The following YPEL1 variants were observed in gnomAD, a reference collection of about 807,000 sequenced individuals.
YPEL1 encodes the protein protein yippee-like 1.
A neutral mutation model predicts 17.3 loss-of-function variants in YPEL1; 7 were observed. The ratio of observed to expected loss-of-function variants is 0.40; its 90% CI spans 0.23 to 0.76. The LOEUF (loss-of-function observed/expected upper bound fraction) is 0.76. Ranked by LOEUF, YPEL1 falls within the 30% of genes least tolerant of loss-of-function variation. YPEL1 has a pLI of 0.35. For synonymous variants in YPEL1, 59 were observed against 59.6 expected, an observed-to-expected ratio of 0.99 and a Z score of 0.05; for missense variants, 91 against 155.5, an observed-to-expected ratio of 0.59 and a Z score of 2.21.
intron 1 of YPEL1, among the ~76,000 whole-genome samples, chr22:21,732,160 G>A (rs909857678): frequency 1.3e-5 from 2 of 152,168 alleles, no homozygotes; most frequent in African/African-American, 2.4e-5. Context: ...CAGGTGTAAC[G>A]TCCTGGCATT....
chr22:21,726,732 T>C (rs2068339403), intron 1 of YPEL1, among the ~76,000 whole-genome samples: 1 of 151,918 alleles, frequency 6.6e-6, no homozygotes, highest in African/African-American at 2.4e-5. Context: ...CCTCCCTTGC[T>C]GGCCCCTTCC....
chr22:21,735,231 T>A (rs1045412696), intron 1 of YPEL1, among the ~76,000 whole-genome samples: 20 of 152,180 alleles, frequency 1.3e-4, no homozygotes, highest in Admixed American at 1.3e-3. Context: ...TAAACATTCC[T>A]AGGAGACCTC....
chr22:21,704,502 CAA>C (rs2068097820), intron 2 of YPEL1, among the ~76,000 whole-genome samples: 1 of 152,030 alleles, frequency 6.6e-6, no homozygotes, highest in African/African-American at 2.4e-5. Context: ...ACTAAAAATA[CAA>C]AAGTTAGCTG....
intron 2 of YPEL1, among the ~76,000 whole-genome samples, chr22:21,705,149 G>A (rs955438770): frequency 1.1e-4 from 17 of 152,204 alleles, no homozygotes; most frequent in African/African-American, 4.1e-4. Context: ...TATTTTTAGA[G>A]ATAGGATATT....
chr22:21,720,805 C>A (rs2068273780), intron 1 of YPEL1, among the ~76,000 whole-genome samples: 1 of 146,148 alleles, frequency 6.8e-6, no homozygotes. Context: ...CCATGCCTGG[C>A]CGATTTTGTT....
intron 1 of YPEL1, among the ~76,000 whole-genome samples, chr22:21,711,721 C>G (rs904133646): frequency 1.3e-5 from 2 of 152,112 alleles, no homozygotes; most frequent in Admixed American, 1.3e-4. Context: ...CAAATTAACT[C>G]AAAATAAAAG....
chr22:21,714,551 G>A (rs1280788883), intron 1 of YPEL1, among the ~76,000 whole-genome samples: 1 of 152,180 alleles, frequency 6.6e-6, no homozygotes, highest in Non-Finnish European at 1.5e-5. Context: ...AGCCACTGAC[G>A]GGGTGTGGAT....
intron 1 of YPEL1, among the ~76,000 whole-genome samples, chr22:21,717,950 C>A (rs559036801): frequency 2.3e-4 from 34 of 147,472 alleles, no homozygotes; most frequent in African/African-American, 7.8e-4. Context: ...AACAGTGAGA[C>A]CCTGTCTCTA....
rs1312607033 is a variant in YPEL1, at chr22:21,699,483, G to A, written c.*1646C>T. 6.6e-6 allele frequency: 1 copy of A among 152,340 alleles called. No individual in the cohort carries two copies. Among genetic ancestry groups the A allele is most frequent in the African/African-American group, 2.4e-5 (1 of 41,450 alleles). 9.4% of individuals were successfully genotyped at this position (152,340 alleles called of 1,614,324 possible). A position where few individuals can be genotyped will look rare whatever the true frequency, so the allele number is the denominator to read the frequency against. ...CCTGGTGGAGGGCAGGTGGATGAGT[G>A]GATTGTAATTTATAATAAAATATAT... On this transcript the variant is annotated 3_prime_UTR_variant, in exon 5 of 5. Coordinates refer to ENST00000339468, the MANE Select transcript of YPEL1 (RefSeq NM_013313.5).
At chr22:21,705,771 G>A (rs2068109629) in intron 2 of YPEL1, among the ~76,000 whole-genome samples, 1 of 152,012 alleles carries the variant, frequency 6.6e-6, no homozygotes, top group South Asian at 2.1e-4. Flanking sequence ...GAGCTCAGGA[G>A]TTCGAGAGCC....
At chr22:21,729,519 T>C (rs937086086) in intron 1 of YPEL1, among the ~76,000 whole-genome samples, 1 of 151,740 alleles carries the variant, frequency 6.6e-6, no homozygotes, top group African/African-American at 2.4e-5. Context: ...GAGGATCACT[T>C]GAGGCCAGGA....
chr22:21,716,049 A>C (rs919561762), intron 1 of YPEL1, among the ~76,000 whole-genome samples: 2 of 152,138 alleles, frequency 1.3e-5, no homozygotes, highest in Non-Finnish European at 2.9e-5. Context: ...GGCGTGAGCC[A>C]CTGCGCCTGG....
intron 4 of YPEL1, 129 bp from the exon 5 acceptor site, chr22:21,701,347 C>G: frequency 1.6e-6 from 1 of 637,088 alleles, no homozygotes; most frequent in South Asian, 2.1e-5. Flanking sequence ...GAGCGGTGCA[C>G]TCATCCGGCG....
At chr22:21,716,225 A>T (rs558887327) in intron 1 of YPEL1, among the ~76,000 whole-genome samples, 8 of 152,364 alleles carry the variant, frequency 5.3e-5, no homozygotes, top group Admixed American at 3.9e-4. Context: ...TTACATTTTT[A>T]AAAAAGAGGT....
At chr22:21,734,120 T>G (rs1008567709) in intron 1 of YPEL1, among the ~76,000 whole-genome samples, 9 of 152,208 alleles carry the variant, frequency 5.9e-5, no homozygotes, top group Admixed American at 1.3e-4. Context: ...CATGGGAGGC[T>G]GAGGCAAGAG....
intron 1 of YPEL1, among the ~76,000 whole-genome samples, chr22:21,724,523 C>T (rs1324096541): frequency 6.6e-6 from 1 of 151,672 alleles, no homozygotes. Flanking sequence ...GGTAACAAAG[C>T]AAGACCTCAT....
At chr22:21,711,110 T>C (rs1038419239) in intron 1 of YPEL1, among the ~76,000 whole-genome samples, 4 of 150,926 alleles carry the variant, frequency 2.7e-5, no homozygotes, top group Non-Finnish European at 5.9e-5. Context: ...TGCAACCTCC[T>C]CCTCCTGGGT....
intron 1 of YPEL1, among the ~76,000 whole-genome samples, chr22:21,731,889 G>A (rs1386972827): frequency 6.6e-6 from 1 of 152,226 alleles, no homozygotes; most frequent in East Asian, 1.9e-4. Flanking sequence ...CTTGGGCACA[G>A]TTTAGGTGTC....
chr22:21,716,044 G>A (rs1237085365), intron 1 of YPEL1, among the ~76,000 whole-genome samples: 1 of 152,154 alleles, frequency 6.6e-6, no homozygotes, highest in African/African-American at 2.4e-5. Flanking sequence ...TTACAGGCGT[G>A]AGCCACTGCG....
Sources: gnomAD v4.1 joint callset for allele counts (sites outside exome capture counted in the v4.1 genomes callset) on GRCh38, gnomAD v4.1.1 for gene constraint, MANE v1.5 for transcripts, NCBI Gene and HGNC (gene_info 2026-07-23, HGNC 2026-07-21) for gene names.